Variants in TMPPE observed in about 807,000 individuals in gnomAD.
TMPPE encodes transmembrane protein with metallophosphoesterase domain.
In TMPPE, 16 loss-of-function variants were observed where a neutral mutation model predicts 22.6. The ratio of observed to expected loss-of-function variants is 0.71; its 90% CI spans 0.48 to 1.08. The LOEUF is 1.08. TMPPE is among the 50% of genes least tolerant of loss of function. TMPPE has a pLI of 0.00. For missense variants in TMPPE, 526 were observed against 584.3 expected, an observed-to-expected ratio of 0.90 and a Z score of 1.03; for synonymous variants, 240 against 245.3, an observed-to-expected ratio of 0.98 and a Z score of 0.20.
In TMPPE at chr3:33,097,063, A is replaced by T; in HGVS notation, c.-453T>A. 7 of 1,612,592 alleles carry T rather than the reference A, an allele frequency of 4.3e-6. No homozygotes were observed. The highest frequency in any genetic ancestry group is 5.9e-6 in the Non-Finnish European group (7 of 1,179,100). On this transcript the variant is annotated 5_prime_UTR_variant, in exon 1 of 2. Coordinates refer to ENST00000342462, the MANE Select transcript of TMPPE (RefSeq NM_001039770.3). ...CAGCAGAACCAGCAACAGAGGGAGGATGCGAACCAGGAACCCCGGCATGAC... is the reference window on the plus strand; with the variant it reads ...CAGCAGAACCAGCAACAGAGGGAGGTTGCGAACCAGGAACCCCGGCATGAC...
In TMPPE at chr3:33,092,835, C is replaced by T. The variant is rs1489141395; in HGVS notation, c.1361G>A (p.Ter454=). 2.5e-6 allele frequency: 4 copies of T among 1,596,280 alleles called. No homozygotes were observed. In the South Asian group the frequency reaches 4.6e-5, roughly 18 times the overall value. ...ITELILQRSP[*] ...AGAGGTGCACAGGGCAGGGCCAGTT[C>T]AGGGAGACCGCTGCAGGATGAGCTC... Residue 454 remains the stop codon, a stop_retained_variant, in exon 2 of 2, where the codon TGA becomes TAA. Transcript: ENST00000342462.
In TMPPE at chr3:33,092,647, A is replaced by G. The variant is rs1485206910; in HGVS notation, c.*187T>C. The G allele has an allele frequency of 7.3e-7, 1 of 1,375,842 alleles. No homozygotes were observed. The highest frequency in any genetic ancestry group is 9.4e-7 in the Non-Finnish European group (1 of 1,065,962). The allele number at this position is 1,375,842 out of a possible 1,614,324, so 85.2% of individuals were successfully genotyped here. Reference sequence around the variant, plus strand: ...AAAAAAAGCAACTGGCCAAGGAAATAGTTAAACCAGCCTGAACATGCCAGG... The same window carrying G: ...AAAAAAAGCAACTGGCCAAGGAAATGGTTAAACCAGCCTGAACATGCCAGG... On this transcript the variant is annotated 3_prime_UTR_variant, in exon 2 of 2. Coordinates refer to ENST00000342462, the MANE Select transcript of TMPPE (RefSeq NM_001039770.3).
Position 33,092,792 on chromosome 3 carries a change from C to A in TMPPE, c.*42G>T. ...ACCACTCTGAAGCAGGATGGAGGGTCGAGGACAAGGGCAGGGCAGAGGTGC... is the reference window on the plus strand; with the variant it reads ...ACCACTCTGAAGCAGGATGGAGGGTAGAGGACAAGGGCAGGGCAGAGGTGC... On this transcript the variant is annotated 3_prime_UTR_variant, in exon 2 of 2. Coordinates refer to ENST00000342462, the MANE Select transcript of TMPPE (RefSeq NM_001039770.3). 3 of 1,542,338 alleles carry A rather than the reference C, an allele frequency of 1.9e-6. No individual in the cohort carries two copies. The South Asian group carries it at 3.7e-5, about 19-fold the overall frequency.
In TMPPE at chr3:33,094,087, G is replaced by C. The variant is rs187948087; in HGVS notation, c.109C>G (p.Leu37Val). ...SRSYLAESLE[L>V]RAWRWLLRLQ... ...CGAAGCAGCCAACGCCAGGCCCTGA[G>C]CTCAAGGCTCTCTGCCAGATACGAG... Residue 37 changes from leucine to valine, a missense_variant, in exon 2 of 2, where the codon CTC becomes GTC. Physicochemically the swap from Leu to Val is conservative, Grantham distance 32. Coordinates refer to ENST00000342462, the MANE Select transcript of TMPPE (RefSeq NM_001039770.3). 22 of 1,614,264 alleles carry C rather than the reference G, an allele frequency of 1.4e-5. No homozygotes were observed. The East Asian group carries it at 4.5e-4, about 33-fold the overall frequency.
intron 1 of TMPPE, 118 bp from the exon 2 acceptor site, chr3:33,094,421 C>T: frequency 2.5e-6 from 3 of 1,189,362 alleles, no homozygotes; most frequent in Non-Finnish European, 3.3e-6. Flanking sequence ...ACTCAAATAC[C>T]AGTCAGTTGC....
In TMPPE at chr3:33,096,828, G is replaced by A. The variant is rs1701052673; in HGVS notation, c.-218C>T. The A allele has an allele frequency of 2.9e-6, 4 of 1,368,030 alleles. No individual in the cohort carries two copies. Among genetic ancestry groups the A allele is most frequent in the Non-Finnish European group, 3.8e-6 (4 of 1,063,150 alleles). 84.7% of individuals were successfully genotyped at this position (1,368,030 alleles called of 1,614,324 possible). ...CCTGGAAGGACGCGCGCCCCGCCCG[G>A]CCCGCCCCCGACGGGAAGGCCGGTC... On this transcript the variant is annotated 5_prime_UTR_variant, in exon 1 of 2. Coordinates refer to ENST00000342462, the MANE Select transcript of TMPPE (RefSeq NM_001039770.3).
Position 33,090,663 on chromosome 3 carries a change from G to A in TMPPE, c.*2171C>T, listed in dbSNP as rs375369656. On this transcript the variant is annotated 3_prime_UTR_variant, in exon 2 of 2. Coordinates refer to ENST00000342462, the MANE Select transcript of TMPPE (RefSeq NM_001039770.3). Reference sequence around the variant, plus strand: ...AAGAATGTTGAACAAAGGGACTAAAGGTGTCATGGAGACCTGCCCACCAGG... The same window carrying A: ...AAGAATGTTGAACAAAGGGACTAAAAGTGTCATGGAGACCTGCCCACCAGG... 8 of 985,462 alleles carry A rather than the reference G, an allele frequency of 8.1e-6. No individual in the cohort carries two copies. In the African/African-American group the frequency reaches 1.0e-4, roughly 13 times the overall value. The allele number at this position is 985,462 out of a possible 1,614,324, so 61.0% of individuals were successfully genotyped here.
rs1022203043 is a variant in TMPPE, at chr3:33,096,474, G to A, written c.-109+245C>T. The stretch of plus-strand genomic sequence containing the variant: ...TACAAAGAAAAACCCAAGCCAAAGG[G>A]CAGGCGACGGGGAGTGGTGAGAAAG... On this transcript the variant is annotated intron_variant, in intron 1 of 1. Transcript: ENST00000342462. 3.4e-5 allele frequency: 33 copies of A among 984,866 alleles called. No individual in the cohort carries two copies. The South Asian group carries it at 7.1e-4, about 21-fold the overall frequency. The allele number at this position is 984,866 out of a possible 1,614,324, so 61.0% of individuals were successfully genotyped here.
chr3:33,090,949 A>G lies in TMPPE; in HGVS notation c.*1885T>C, dbSNP rs147454856. 20 of 985,438 alleles carry G rather than the reference A, an allele frequency of 2.0e-5. No individual in the cohort carries two copies. The East Asian group carries it at 1.8e-3, about 89-fold the overall frequency. The allele number at this position is 985,438 out of a possible 1,614,324, so 61.0% of individuals were successfully genotyped here. ...ATTAAAAAAAAAATAGGACTTAATG[A>G]AAGCTAATTTCATCAAGCCCAGGTC... On this transcript the variant is annotated 3_prime_UTR_variant, in exon 2 of 2. Coordinates refer to ENST00000342462, the MANE Select transcript of TMPPE (RefSeq NM_001039770.3).
intron 1 of TMPPE, among the ~76,000 whole-genome samples, chr3:33,094,695 C>A (rs1407116449): frequency 6.6e-6 from 1 of 151,802 alleles, no homozygotes; most frequent in Non-Finnish European, 1.5e-5. Flanking sequence ...GGGGTGGAGT[C>A]TTCCAGAGGC....
In TMPPE at chr3:33,094,207, CTAG is replaced by C. The variant is rs1700905339; in HGVS notation, c.-15_-13del. 1 of 1,583,008 alleles carries C rather than the reference CTAG, an allele frequency of 6.3e-7. No individual in the cohort carries two copies. Among genetic ancestry groups the C allele is most frequent in the Non-Finnish European group, 8.6e-7 (1 of 1,161,842 alleles). ...CTGAAGATGGCCATTTTCTCTGCTC[CTAG>C]TAGGCTCCCCCACCAGTTCTGTGCT... On this transcript the variant is annotated 5_prime_UTR_variant, in exon 2 of 2. Coordinates refer to ENST00000342462, the MANE Select transcript of TMPPE (RefSeq NM_001039770.3).
rs534254561 is a variant in TMPPE at position 33,090,562 on chromosome 3, G to A, written c.*2272C>T. On this transcript the variant is annotated 3_prime_UTR_variant, in exon 2 of 2. Coordinates refer to ENST00000342462, the MANE Select transcript of TMPPE (RefSeq NM_001039770.3). ...TAAAAATAAAGAAACAAATGAAATTGAAAGAATGATCAAGCTTCAAGTAAC... is the reference window on the plus strand; with the variant it reads ...TAAAAATAAAGAAACAAATGAAATTAAAAGAATGATCAAGCTTCAAGTAAC... 8.1e-6 allele frequency: 8 copies of A among 985,408 alleles called. No individual in the cohort carries two copies. In the East Asian group the frequency reaches 9.1e-4, roughly 112 times the overall value. The allele number at this position is 985,408 out of a possible 1,614,324, so 61.0% of individuals were successfully genotyped here.
rs768763908 is a variant in TMPPE, at chr3:33,093,506, C to T, written c.690G>A (p.Val230=). ...TVGRTKMEMF[V]RMVNVLEPDI... Reference sequence around the variant, plus strand: ...CTGGTTCCAGCACATTCACCATCCTCACAAACATTTCCATCTTGGTCCTGC... The same window carrying T: ...CTGGTTCCAGCACATTCACCATCCTTACAAACATTTCCATCTTGGTCCTGC... Residue 230 remains valine, a synonymous_variant, in exon 2 of 2, where the codon GTG becomes GTA. Coordinates refer to ENST00000342462, the MANE Select transcript of TMPPE (RefSeq NM_001039770.3). This position sits in a 1 kb window ranked among gnomAD's most constrained non-coding sequence, Gnocchi z 6.0. 81 of 1,614,094 alleles carry T rather than the reference C, an allele frequency of 5.0e-5. No individual in the cohort carries two copies. Among genetic ancestry groups the T allele is most frequent in the Non-Finnish European group, 6.7e-5 (79 of 1,180,042 alleles).
In TMPPE at chr3:33,093,906, T is replaced by TGGGCCA; in HGVS notation, c.284_289dup (p.Leu95_Ala96dup). ...AAAGAACATGGTAAAGAAACTGGAA[T>TGGGCCA]GGGCCAGGGCCAGAAATGCCAGAAC... is the stretch of plus-strand genomic sequence containing the variant. On this transcript the variant is annotated inframe_insertion, in exon 2 of 2. Coordinates refer to ENST00000342462, the MANE Select transcript of TMPPE (RefSeq NM_001039770.3). This position sits in a 1 kb window ranked among gnomAD's most constrained non-coding sequence, Gnocchi z 6.0. The TGGGCCA allele has an allele frequency of 6.2e-7, 1 of 1,613,996 alleles. No individual in the cohort carries two copies. Among genetic ancestry groups the TGGGCCA allele is most frequent in the Non-Finnish European group, 8.5e-7 (1 of 1,179,986 alleles).
At position 33,091,641 on chromosome 3, in the gene TMPPE, G is replaced by T; in HGVS notation, c.*1193C>A. On this transcript the variant is annotated 3_prime_UTR_variant, in exon 2 of 2. Coordinates refer to ENST00000342462, the MANE Select transcript of TMPPE (RefSeq NM_001039770.3). ...GACAAAACAATCTTGAGGTAGATAC[G>T]ATAATTATCCCCATTTTAGGGTTGA... The T allele has an allele frequency of 3.0e-6, 3 of 984,188 alleles. No individual in the cohort carries two copies. In the South Asian group the frequency reaches 1.4e-4, roughly 46 times the overall value. 61.0% of individuals were successfully genotyped at this position (984,188 alleles called of 1,614,324 possible).
chr3:33,095,407 T>G (rs1290572051), intron 1 of TMPPE, among the ~76,000 whole-genome samples: 1 of 152,022 alleles, frequency 6.6e-6, no homozygotes, highest in Non-Finnish European at 1.5e-5. Context: ...GCGCCTGTAG[T>G]CCCAGCTACT....
At chr3:33,094,329 T>G in intron 1 of TMPPE, 26 bp from the exon 2 acceptor site, 5 of 1,461,422 alleles carry the variant, frequency 3.4e-6, no homozygotes, top group Non-Finnish European at 4.5e-6. Context: ...AGCATCAGCT[T>G]TGTGGGATAT....
Position 33,091,909 on chromosome 3 carries a change from G to A in TMPPE, c.*925C>T. The stretch of plus-strand genomic sequence containing the variant: ...AGGATCTATTGCTTCTGGCAAAAGG[G>A]CAAAAGCACCGCTTTTACTGGGAGG... On this transcript the variant is annotated 3_prime_UTR_variant, in exon 2 of 2. Transcript: ENST00000342462. 5 of 985,398 alleles carry A rather than the reference G, an allele frequency of 5.1e-6. No individual in the cohort carries two copies. Among genetic ancestry groups the A allele is most frequent in the South Asian group, 9.4e-5 (2 of 21,284 alleles). The allele number at this position is 985,398 out of a possible 1,614,324, so 61.0% of individuals were successfully genotyped here. A position where few individuals can be genotyped will look rare whatever the true frequency, so the allele number is the denominator to read the frequency against.
Position 33,094,289 on chromosome 3 carries a change from C to A in TMPPE, c.-94G>T. 4 of 1,509,828 alleles carry A rather than the reference C, an allele frequency of 2.6e-6. No individual in the cohort carries two copies. The highest frequency in any genetic ancestry group is 3.5e-6 in the Non-Finnish European group (4 of 1,131,412). 93.5% of individuals were successfully genotyped at this position (1,509,828 alleles called of 1,614,324 possible). On this transcript the variant is annotated 5_prime_UTR_variant, in exon 2 of 2. Transcript: ENST00000342462. ...AAGGACAGTGGCCAAGGAGAGGTTT[C>A]CAGGTCAACTCCGCCTGCAACCAGG...
Sources: gnomAD v4.1 joint callset for allele counts (sites outside exome capture counted in the v4.1 genomes callset) on GRCh38, gnomAD v4.1.1 for gene constraint, Gnocchi (gnomAD v3.1) non-coding constraint, MANE v1.5 for transcripts, NCBI Gene and HGNC (gene_info 2026-07-23, HGNC 2026-07-21) for gene names.